Variants in RGS6 observed in about 807,000 individuals in gnomAD.
RGS6 encodes regulator of G protein signaling 6, also known as regulator of G-protein signaling 6.
A neutral mutation model predicts 78.5 loss-of-function variants in RGS6; 30 were observed. That is an observed-to-expected ratio of 0.38 (90% CI 0.29 to 0.52). RGS6 has a LOEUF of 0.52. Among genes scored for constraint, RGS6 ranks in the 20% least tolerant of loss-of-function variants. RGS6 has a pLI of 0.85. For synonymous variants in RGS6, 206 were observed against 206.0 expected (o/e 1.00, Z 0.00); for missense variants, 495 against 609.7 (o/e 0.81, Z 1.98).
At chr14:72,158,298 C>A (rs79156866) in intron 2 of RGS6, among the ~76,000 whole-genome samples, 2 of 152,002 alleles carry the variant, frequency 1.3e-5, no homozygotes, top group African/African-American at 2.4e-5. Context: ...TCTTTGTGTC[C>A]GAATTTCTTC....
rs1320760717 is a variant in RGS6, at chr14:72,397,358, A to G, written c.184+45164A>G. On this transcript the variant is annotated intron_variant, in intron 3 of 17. Transcript: ENST00000553525. ...TGATTTGGCTCTCTGTTTGTCTGTT[A>G]TTGGTGTATAAGAATGCTTGTGATT... 3.0e-3 allele frequency among the ~76,000 whole-genome samples: 456 copies of G among 151,656 alleles called. 1 individual carries two copies. Among genetic ancestry groups the G allele is most frequent in the African/African-American group, 0.01 (428 of 41,268 alleles).
intron 2 of RGS6, among the ~76,000 whole-genome samples, chr14:72,019,724 G>T (rs1250150854): frequency 6.6e-6 from 1 of 152,202 alleles, no homozygotes; most frequent in Non-Finnish European, 1.5e-5. Context: ...GACGGTAAAG[G>T]TGGAGTCAGT....
At position 72,037,982 on chromosome 14, in the gene RGS6, T is replaced by C. The variant is rs148534855; in HGVS notation, c.84+73107T>C. On this transcript the variant is annotated intron_variant, in intron 2 of 17. Coordinates refer to ENST00000553525, the MANE Select transcript of RGS6 (RefSeq NM_001204424.2). ...GTCTTTATTTTTTATTATTTTATTT[T>C]ATTTTTGAGATTGAGGCTCGCTCTG... Among the ~76,000 whole-genome samples, 3 of 152,312 alleles carry C rather than the reference T, an allele frequency of 2.0e-5. No individual in the cohort carries two copies. The East Asian group carries it at 5.8e-4, about 29-fold the overall frequency.
At chr14:71,876,588 C>T in the RGS6 span, among the ~76,000 whole-genome samples, 1 of 141,752 alleles carries the variant, frequency 7.1e-6, no homozygotes, top group African/African-American at 2.6e-5. Context: ...TGAGATGTGT[C>T]TCCTGAATAC....
chr14:72,024,251 C>G (rs952684427), intron 2 of RGS6, among the ~76,000 whole-genome samples: 1 of 152,152 alleles, frequency 6.6e-6, no homozygotes, highest in African/African-American at 2.4e-5. Flanking sequence ...GGGGTTGACT[C>G]AGAACCTTGC....
chr14:71,949,932 C>A (rs2092110676), intron 1 of RGS6, among the ~76,000 whole-genome samples: 1 of 152,140 alleles, frequency 6.6e-6, no homozygotes, highest in African/African-American at 2.4e-5. Context: ...ATTGAAAAAT[C>A]TCTTCATTTC....
intron 2 of RGS6, among the ~76,000 whole-genome samples, chr14:72,224,890 T>TGC (rs1407734215): frequency 9.9e-5 from 15 of 152,066 alleles, no homozygotes; most frequent in Non-Finnish European, 2.2e-4. Context: ...AGGCCATGGT[T>TGC]TGTGTGGGAA....
chr14:72,093,875 G>C (rs1284088400), intron 2 of RGS6, among the ~76,000 whole-genome samples: 2 of 152,048 alleles, frequency 1.3e-5, no homozygotes, highest in Non-Finnish European at 2.9e-5. Flanking sequence ...AATATTGATT[G>C]ACTATGTAAA....
intron 2 of RGS6, among the ~76,000 whole-genome samples, chr14:71,974,331 T>A (rs2093991753): frequency 6.6e-6 from 1 of 152,226 alleles, no homozygotes; most frequent in Non-Finnish European, 1.5e-5. Context: ...ATGGACACAT[T>A]TTTTTGATCA....
intron 3 of RGS6, among the ~76,000 whole-genome samples, chr14:72,425,909 C>T (rs559437896): frequency 2.2e-4 from 33 of 152,106 alleles, no homozygotes; most frequent in Non-Finnish European, 2.9e-4. Context: ...GATACGCTAT[C>T]GTACTAGAAT....
At chr14:72,150,860 A>G (rs2096674819) in intron 2 of RGS6, among the ~76,000 whole-genome samples, 1 of 152,160 alleles carries the variant, frequency 6.6e-6, no homozygotes, top group Admixed American at 6.5e-5. Flanking sequence ...GTAGGGACGC[A>G]AATCCAATCC....
At chr14:72,441,627 G>T (rs922414270) in intron 3 of RGS6, among the ~76,000 whole-genome samples, 2 of 152,220 alleles carry the variant, frequency 1.3e-5, no homozygotes, top group Admixed American at 6.5e-5. Flanking sequence ...CACTGCTGCT[G>T]CCATTCCTGT....
chr14:72,196,981 T>G (rs1309736029), intron 2 of RGS6, among the ~76,000 whole-genome samples: 1 of 152,218 alleles, frequency 6.6e-6, no homozygotes, highest in African/African-American at 2.4e-5. Flanking sequence ...GTTGGACCAA[T>G]GAGAATGAAA....
At position 72,222,345 on chromosome 14, in the gene RGS6, T is replaced by G. The variant is rs143080315; in HGVS notation, c.85-129750T>G. On this transcript the variant is annotated intron_variant, in intron 2 of 17. Coordinates refer to ENST00000553525, the MANE Select transcript of RGS6 (RefSeq NM_001204424.2). ...GCCTGGGGAACTGCCTTTGCTGTAC[T>G]TTTTAGCTTCTCCTTGAACCCTTGA... is the stretch of plus-strand genomic sequence containing the variant. Among the ~76,000 whole-genome samples, 395 of 152,344 alleles carry G rather than the reference T, an allele frequency of 2.6e-3. 2 individuals are homozygous for G. The highest frequency in any genetic ancestry group is 9.1e-3 in the African/African-American group (380 of 41,582).
At chr14:72,438,415 A>C (rs915425426) in intron 3 of RGS6, among the ~76,000 whole-genome samples, 3 of 152,118 alleles carry the variant, frequency 2.0e-5, no homozygotes, top group Non-Finnish European at 4.4e-5. Flanking sequence ...ATCCAGATTC[A>C]ACAGCCACTC....
At chr14:71,946,997 G>A (rs2091620055) in intron 1 of RGS6, among the ~76,000 whole-genome samples, 2 of 152,184 alleles carry the variant, frequency 1.3e-5, no homozygotes, top group Admixed American at 1.3e-4. Context: ...ACCTTATGTT[G>A]GTAAGAGCAG....
chr14:72,381,102 G>A (rs1266778926), intron 3 of RGS6, among the ~76,000 whole-genome samples: 1 of 152,026 alleles, frequency 6.6e-6, no homozygotes, highest in Non-Finnish European at 1.5e-5. Flanking sequence ...CTCATATGTG[G>A]AAGCTAAAAA....
At chr14:71,936,030 A>ATATATATATATATATATATATATATG (rs1555390437) in intron 1 of RGS6, among the ~76,000 whole-genome samples, 16 of 133,212 alleles carry the variant, frequency 1.2e-4, no homozygotes, top group African/African-American at 3.5e-4. Context: ...ATATATATAT[A>ATATATATATATATATATATATATATG]TATATATATA....
intron 2 of RGS6, among the ~76,000 whole-genome samples, chr14:72,324,104 C>T (rs950617934): frequency 6.6e-6 from 1 of 151,890 alleles, no homozygotes; most frequent in Non-Finnish European, 1.5e-5. Flanking sequence ...CTGCAGTCAC[C>T]CTGTTGTGCT....
Sources: allele counts gnomAD v4.1 joint callset (sites outside exome capture counted in the v4.1 genomes callset), GRCh38; gene constraint gnomAD v4.1.1; transcripts MANE v1.5; gene names NCBI Gene and HGNC (gene_info 2026-07-23, HGNC 2026-07-21).